Variants in ARL5A observed in about 807,000 individuals in gnomAD.
ARL5A encodes the protein ADP-ribosylation factor-like protein 5A.
A neutral mutation model predicts 25.9 loss-of-function variants in ARL5A; 18 were observed. The ratio of observed to expected loss-of-function variants is 0.69; its 90% CI spans 0.48 to 1.03. ARL5A has a LOEUF of 1.03. ARL5A is among the 50% of genes least tolerant of loss of function. The probability of loss-of-function intolerance (pLI) is 0.00; values close to 1 mark genes in which losing one functional copy is unlikely to be tolerated. For missense variants in ARL5A, 170 were observed against 211.9 expected (o/e 0.80, Z 1.23); for synonymous variants, 61 against 67.5 (o/e 0.90, Z 0.47).
At chr2:151,820,573 T>C (rs1432953533) in intron 1 of ARL5A, among the ~76,000 whole-genome samples, 1 of 141,298 alleles carries the variant, frequency 7.1e-6, no homozygotes, top group Non-Finnish European at 1.5e-5. Context: ...GGCATGAGAA[T>C]CAGTTGAACC....
chr2:151,817,376 C>T (rs1166055659), intron 1 of ARL5A, among the ~76,000 whole-genome samples: 1 of 152,168 alleles, frequency 6.6e-6, no homozygotes, highest in African/African-American at 2.4e-5. Context: ...CTATTCCTGG[C>T]ATAAAGTAGG....
At chr2:151,821,777 T>A (rs536899155) in intron 1 of ARL5A, among the ~76,000 whole-genome samples, 124 of 114,808 alleles carry the variant, frequency 1.1e-3, no homozygotes, top group African/African-American at 4.1e-3. Flanking sequence ...CCGGCTTTCT[T>A]TTTTTTTTTT....
intron 1 of ARL5A, among the ~76,000 whole-genome samples, chr2:151,827,029 G>A (rs1261334342): frequency 3.3e-5 from 5 of 152,176 alleles, no homozygotes; most frequent in Admixed American, 2.6e-4. Flanking sequence ...GATCATGAAG[G>A]AGGAGGTGGT....
At chr2:151,819,172 T>C (rs2099831916) in intron 1 of ARL5A, among the ~76,000 whole-genome samples, 1 of 152,208 alleles carries the variant, frequency 6.6e-6, no homozygotes, top group African/African-American at 2.4e-5. Flanking sequence ...ATAAATAATG[T>C]ACACAGAGAC....
chr2:151,824,426 C>G (rs1559824188), intron 1 of ARL5A, among the ~76,000 whole-genome samples: 1 of 152,094 alleles, frequency 6.6e-6, no homozygotes, highest in Non-Finnish European at 1.5e-5. Context: ...ACACAGTCTA[C>G]CCCTTGGCTA....
intron 4 of ARL5A, among the ~76,000 whole-genome samples, chr2:151,807,419 T>C (rs1325070787): frequency 6.6e-6 from 1 of 152,204 alleles, no homozygotes; most frequent in African/African-American, 2.4e-5. Context: ...GCCATCTCTA[T>C]GTTGTTCAAA....
chr2:151,812,754 G>C (rs1238575977), intron 3 of ARL5A, among the ~76,000 whole-genome samples: 3 of 151,716 alleles, frequency 2.0e-5, no homozygotes, highest in Admixed American at 6.6e-5. Context: ...AAATCAACAA[G>C]AAAAACATGC....
At chr2:151,814,887 C>G (rs1045287379) in intron 2 of ARL5A, among the ~76,000 whole-genome samples, 3 of 152,148 alleles carry the variant, frequency 2.0e-5, no homozygotes, top group Admixed American at 6.6e-5. Context: ...TATTTTTCTA[C>G]TTTCTACAAA....
intron 5 of ARL5A, 140 bp from the exon 6 acceptor site, chr2:151,803,464 G>A: frequency 4.4e-6 from 3 of 674,962 alleles, no homozygotes; most frequent in Non-Finnish European, 7.9e-6. Flanking sequence ...TTCAGTGCTT[G>A]GGCTGCTGCA....
In ARL5A at chr2:151,826,372, A is replaced by G. The variant is rs1302048462; in HGVS notation, c.46+1759T>C. Reference sequence around the variant, plus strand: ...ACAAAATACAGGTTATAAAAACACTACTATTAGCAATTTGTAGTGATACCA... The same window carrying G: ...ACAAAATACAGGTTATAAAAACACTGCTATTAGCAATTTGTAGTGATACCA... On this transcript the variant is annotated intron_variant, in intron 1 of 5. Coordinates refer to ENST00000295087, the MANE Select transcript of ARL5A (RefSeq NM_012097.4). Among the ~76,000 whole-genome samples the G allele has an allele frequency of 2.6e-5, 4 of 152,330 alleles. No homozygotes were observed. In the East Asian group the frequency reaches 7.7e-4, roughly 29 times the overall value.
At chr2:151,807,982 T>C (rs2099830308) in intron 4 of ARL5A, among the ~76,000 whole-genome samples, 2 of 152,164 alleles carry the variant, frequency 1.3e-5, no homozygotes, top group Non-Finnish European at 2.9e-5. Flanking sequence ...GCCCCACTCC[T>C]CTCTACCTGC....
In ARL5A at chr2:151,807,154, T is replaced by C. The variant is rs551756694; in HGVS notation, c.340-182A>G. ...CTTGTATGTGTTTACATATTTCTTA[T>C]AGTCTCAGACAACAATTTTTTATGG... is the stretch of plus-strand genomic sequence containing the variant. On this transcript the variant is annotated intron_variant, in intron 4 of 5. Coordinates refer to ENST00000295087, the MANE Select transcript of ARL5A (RefSeq NM_012097.4). Among the ~76,000 whole-genome samples, 39 of 152,298 alleles carry C rather than the reference T, an allele frequency of 2.6e-4. 1 individual carries two copies. Among genetic ancestry groups the C allele is most frequent in the African/African-American group, 8.4e-4 (35 of 41,576 alleles).
chr2:151,818,721 T>A (rs1359470976), intron 1 of ARL5A, among the ~76,000 whole-genome samples: 1 of 152,242 alleles, frequency 6.6e-6, no homozygotes, highest in African/African-American at 2.4e-5. Context: ...AAATTAAGCA[T>A]TCCTTTTTTG....
At chr2:151,813,094 G>T (rs546097976) in intron 3 of ARL5A, among the ~76,000 whole-genome samples, 1 of 152,304 alleles carries the variant, frequency 6.6e-6, no homozygotes, top group African/African-American at 2.4e-5. Context: ...AAAAGCAAGA[G>T]ATCAGCAGGA....
Position 151,803,024 on chromosome 2 carries a change from C to T in ARL5A, c.*252G>A, listed in dbSNP as rs2099829637. 2.2e-6 allele frequency: 1 copy of T among 454,794 alleles called. No individual in the cohort carries two copies. The highest frequency in any genetic ancestry group is 4.1e-5 in the East Asian group (1 of 24,380). The allele number at this position is 454,794 out of a possible 1,614,324, so 28.2% of individuals were successfully genotyped here. ...GTACTTACCATAGGCTACACAATGT[C>T]CTGAGAGGATTCATTATGAGAAAAA... is the stretch of plus-strand genomic sequence containing the variant. On this transcript the variant is annotated 3_prime_UTR_variant, in exon 6 of 6. Coordinates refer to ENST00000295087, the MANE Select transcript of ARL5A (RefSeq NM_012097.4).
At chr2:151,815,252 T>C in intron 1 of ARL5A, 53 bp from the exon 2 acceptor site, 1 of 1,407,710 alleles carries the variant, frequency 7.1e-7, no homozygotes, top group South Asian at 1.2e-5. Flanking sequence ...AAAAAAAAGA[T>C]TAATTATAGG....
At chr2:151,826,928 C>CTG (rs202078189) in intron 1 of ARL5A, among the ~76,000 whole-genome samples, 9,258 of 150,826 alleles carry the variant, frequency 0.061, 318 homozygotes, top group East Asian at 0.1. Context: ...ACCTACACAT[C>CTG]TGTGTGTGTG....
intron 1 of ARL5A, among the ~76,000 whole-genome samples, chr2:151,822,062 C>T (rs1259454706): frequency 6.6e-6 from 1 of 152,094 alleles, no homozygotes; most frequent in Non-Finnish European, 1.5e-5. Context: ...ATTGGCCAGG[C>T]TGGTCTTGAA....
intron 1 of ARL5A, among the ~76,000 whole-genome samples, chr2:151,818,270 C>T (rs2099831789): frequency 6.6e-6 from 1 of 152,124 alleles, no homozygotes; most frequent in Non-Finnish European, 1.5e-5. Context: ...GCTGCAATGA[C>T]TGATGTGAAT....
Sources: gnomAD v4.1 joint callset for allele counts (sites outside exome capture counted in the v4.1 genomes callset) on GRCh38, gnomAD v4.1.1 for gene constraint, MANE v1.5 for transcripts, NCBI Gene and HGNC (gene_info 2026-07-23, HGNC 2026-07-21) for gene names.